PRG4: variants seen among roughly 807,000 people sequenced by gnomAD.
The protein encoded by PRG4 is articular superficial zone protein.
In PRG4, 61 loss-of-function variants were observed where a neutral mutation model predicts 91.2. The ratio of observed to expected loss-of-function variants is 0.67; its 90% CI spans 0.54 to 0.83. The LOEUF is 0.83. PRG4 is among the 40% of genes least tolerant of loss of function. The pLI, the probability that PRG4 is intolerant of heterozygous loss-of-function variation, is 0.00. For missense variants in PRG4, 1,564 were observed against 1,714.2 expected (o/e 0.91, Z 1.55); for synonymous variants, 576 against 614.2 (o/e 0.94, Z 0.92).
rs769372758 is a variant in PRG4 at position 186,301,610 on chromosome 1, G to A, written c.218G>A (p.Arg73His). 1.5e-5 allele frequency: 25 copies of A among 1,613,846 alleles called. No homozygotes were observed. Among genetic ancestry groups the A allele is most frequent in the South Asian group, 2.2e-5 (2 of 91,070 alleles). ...TGGGTAGAGCTTTCCTGTAAAGGCC[G>A]CTGCTTTGAGTCCTTCGAGAGAGGG... ...VCTAELSCKG[R>H]CFESFERGRE... Residue 73 changes from arginine (R) to histidine (H), a missense_variant, in exon 4 of 13, where the codon CGC (arginine) becomes CAC (histidine). By Grantham distance (29) the Arg-to-His change is conservative (BLOSUM62 0). Transcript: ENST00000445192.
Position 186,306,744 on chromosome 1 carries a change from C to T in PRG4, c.1025C>T (p.Pro342Leu), listed in dbSNP as rs750559562. 4.7e-5 allele frequency: 76 copies of T among 1,613,658 alleles called. No homozygotes were observed. In the Admixed American group the frequency reaches 1.2e-3, roughly 25 times the overall value. The part of the protein sequence containing the change: ...TPKAETTTKG[P>L]ALTTPKEPTP... ...AAAGCTGAAACTACAACCAAAGGCC[C>T]TGCTCTCACCACTCCCAAGGAGCCC... The change falls in exon 7 of 13, where the codon CCT (proline) becomes CTT (leucine). Residue 342 changes from proline (P) to leucine (L), a missense_variant. By Grantham distance (98) the Pro-to-Leu change is moderately conservative. Around this residue, in one of 3 missense-constraint regions of PRG4, gnomAD observed 437 missense variants for 459.0 expected, o/e 0.95. Transcript: ENST00000445192.
chr1:186,308,062 T>C lies in PRG4; in HGVS notation c.2343T>C (p.Thr781=), dbSNP rs773570191. The part of the protein sequence containing the change: ...KEPAPTTPKG[T]APTTLKEPAP... ...CTGCTCCAACTACCCCTAAGGGGAC[T>C]GCTCCAACTACCCTCAAGGAACCTG... The change falls in exon 7 of 13, where the codon ACT becomes ACC. Residue 781 remains threonine (T), a synonymous_variant. Coordinates refer to ENST00000445192, the MANE Select transcript of PRG4 (RefSeq NM_005807.6). 1.2e-6 allele frequency: 2 copies of C among 1,609,710 alleles called. No individual in the cohort carries two copies. The highest frequency in any genetic ancestry group is 1.7e-6 in the Non-Finnish European group (2 of 1,179,066).
chr1:186,310,669 AT>A (rs56847815), intron 8 of PRG4, among the ~76,000 whole-genome samples: 147 of 131,374 alleles, frequency 1.1e-3, no homozygotes, highest in Middle Eastern at 3.9e-3. Context: ...TTTTTTTTGT[AT>A]TTTTTTTTTT....
chr1:186,298,731 C>T (rs944364308), intron 2 of PRG4, among the ~76,000 whole-genome samples: 1 of 152,104 alleles, frequency 6.6e-6, no homozygotes, highest in African/African-American at 2.4e-5. Flanking sequence ...AGGTGATCCG[C>T]CCGCCTCAGC....
chr1:186,313,688 C>T lies in PRG4; in HGVS notation c.4125C>T (p.Tyr1375=), dbSNP rs1657450091. The T allele has an allele frequency of 5.0e-6, 8 of 1,587,512 alleles. No individual in the cohort carries two copies. In the South Asian group the frequency reaches 7.7e-5, roughly 15 times the overall value. ...YDYYAFSKDQ[Y]YNIDVPSRTA... Reference sequence around the variant, plus strand: ...GTTTTCTCTTCCATTTAGATCAATACTATAACATTGATGTGCCTAGTAGAA... The same window carrying T: ...GTTTTCTCTTCCATTTAGATCAATATTATAACATTGATGTGCCTAGTAGAA... Residue 1375 remains tyrosine (Y), a synonymous_variant, in exon 13 of 13, where the codon TAC becomes TAT. Coordinates refer to ENST00000445192, the MANE Select transcript of PRG4 (RefSeq NM_005807.6).
At chr1:186,305,123 A>G (rs529507856) in intron 6 of PRG4, among the ~76,000 whole-genome samples, 1 of 152,330 alleles carries the variant, frequency 6.6e-6, no homozygotes, top group African/African-American at 2.4e-5. Context: ...CTCTAAAAGC[A>G]AAGGATAAGA....
At position 186,300,203 on chromosome 1, in the gene PRG4, C is replaced by T; in HGVS notation, c.189C>T (p.Val63=). 1 of 1,614,106 alleles carries T rather than the reference C, an allele frequency of 6.2e-7. No individual in the cohort carries two copies. The highest frequency in any genetic ancestry group is 8.5e-7 in the Non-Finnish European group (1 of 1,180,040). ...AGTGCTGCCCTGATTTCAAGAGAGT[C>T]TGCACTGCGGGTAAGTCCTGAGAGC... ...YMECCPDFKR[V]CTAELSCKGR... Residue 63 remains valine (V), a synonymous_variant, in exon 3 of 13, where the codon GTC becomes GTT. Transcript: ENST00000445192.
chr1:186,297,578 T>C (rs1161456088), intron 2 of PRG4, among the ~76,000 whole-genome samples: 1 of 152,196 alleles, frequency 6.6e-6, no homozygotes, highest in Non-Finnish European at 1.5e-5. Context: ...TTGTTACTCA[T>C]TTTTAGAGAC....
intron 1 of PRG4, 128 bp downstream of exon 1, chr1:186,296,421 G>A (rs1385191731): frequency 6.2e-6 from 1 of 160,832 alleles, no homozygotes; most frequent in East Asian, 1.8e-4. Context: ...TACACCTGTT[G>A]GAAGCCTTTG....
At position 186,312,183 on chromosome 1, in the gene PRG4, A is replaced by G; in HGVS notation, c.3802A>G (p.Ile1268Val). 1 of 1,613,804 alleles carries G rather than the reference A, an allele frequency of 6.2e-7. No individual in the cohort carries two copies. Among genetic ancestry groups the G allele is most frequent in the Non-Finnish European group, 8.5e-7 (1 of 1,179,720 alleles). The change falls in exon 11 of 13, where the codon ATT becomes GTT. Residue 1268 changes from isoleucine (I) to valine (V), a missense_variant. Ile to Val is a conservative substitution (Grantham distance 29). Transcript: ENST00000445192. ...SVYFFKRGGS[I>V]QQYIYKQEPV... is the part of the protein sequence containing the mutation. The stretch of plus-strand genomic sequence containing the variant: ...ATTCTAATACATAACAGGTGGCAGC[A>G]TTCAGCAGTATATTTATAAACAGGA...
In PRG4 at chr1:186,307,752, A is replaced by G. The variant is rs1277746824; in HGVS notation, c.2033A>G (p.Lys678Arg). 1 of 1,610,528 alleles carries G rather than the reference A, an allele frequency of 6.2e-7. No individual in the cohort carries two copies. Among genetic ancestry groups the G allele is most frequent in the East Asian group, 2.2e-5 (1 of 44,748 alleles). ...TPKAAAPNTP[K>R]EPAPTTPKEP... ...AAGGCAGCGGCTCCCAACACCCCTAAGGAGCCTGCTCCAACTACCCCTAAG... is the reference window on the plus strand; with the variant it reads ...AAGGCAGCGGCTCCCAACACCCCTAGGGAGCCTGCTCCAACTACCCCTAAG... The change falls in exon 7 of 13, where the codon AAG (lysine) becomes AGG (arginine). Residue 678 changes from lysine to arginine, a missense_variant. Physicochemically the swap from Lys to Arg is conservative, Grantham distance 26. This residue lies in a region of PRG4 where 1,079 missense variants were observed against 1,162.2 expected (regional missense o/e 0.93). Coordinates refer to ENST00000445192, the MANE Select transcript of PRG4 (RefSeq NM_005807.6).
chr1:186,296,561 A>G (rs1404410787), intron 1 of PRG4, among the ~76,000 whole-genome samples: 1 of 152,252 alleles, frequency 6.6e-6, no homozygotes, highest in Non-Finnish European at 1.5e-5. Flanking sequence ...AGTACATGCC[A>G]TACTTTGGCT....
Position 186,312,835 on chromosome 1 carries a change from C to A in PRG4, c.4058C>A (p.Ala1353Asp). 1 of 1,611,716 alleles carries A rather than the reference C, an allele frequency of 6.2e-7. No individual in the cohort carries two copies. Among genetic ancestry groups the A allele is most frequent in the Non-Finnish European group, 8.5e-7 (1 of 1,177,812 alleles). ...WRGLPNVVTS[A>D]ISLPNIRKPD... ...GGACTTCCAAATGTGGTTACCTCAG[C>A]TATATCACTGCCCAACATCAGAAAA... is the stretch of plus-strand genomic sequence containing the variant. The change falls in exon 12 of 13, where the codon GCT becomes GAT. Residue 1353 changes from alanine to aspartate, a missense_variant. By Grantham distance (126) the Ala-to-Asp change is moderately radical. Around this residue, in one of 3 missense-constraint regions of PRG4, gnomAD observed 1,079 missense variants for 1,162.2 expected, o/e 0.93. Transcript: ENST00000445192.
At chr1:186,312,653 T>A (rs2102040171) in intron 11 of PRG4, 116 bp from the exon 12 acceptor site, 1 of 1,136,994 alleles carries the variant, frequency 8.8e-7, no homozygotes, top group Non-Finnish European at 1.3e-6. Flanking sequence ...TCTATAACCC[T>A]CAATAGTTCT....
At position 186,309,998 on chromosome 1, in the gene PRG4, C is replaced by G. The variant is rs889337980; in HGVS notation, c.3499+128C>G. 6.6e-6 allele frequency: 5 copies of G among 758,722 alleles called. No homozygotes were observed. In the South Asian group the frequency reaches 7.1e-5, roughly 11 times the overall value. The allele number at this position is 758,722 out of a possible 1,614,324, so 47.0% of individuals were successfully genotyped here. A position where few individuals can be genotyped will look rare whatever the true frequency, so the allele number is the denominator to read the frequency against. ...GAATCTGATTGATAAGCACACCTCA[C>G]AGGAGAATCCGAGAGTAATAACAGA... On this transcript the variant is annotated intron_variant, in intron 8 of 12. Transcript: ENST00000445192.
chr1:186,309,155 TTA>T lies in PRG4; in HGVS notation c.3421+17_3421+18del. The T allele has an allele frequency of 6.2e-7, 1 of 1,602,030 alleles. No individual in the cohort carries two copies. The highest frequency in any genetic ancestry group is 8.5e-7 in the Non-Finnish European group (1 of 1,172,082). ...CATGCTTTCCGGTATTAAGAATCAG[TTA>T]TTTTCATTTTTAAAGCTGGTAATGT... On this transcript the variant is annotated intron_variant, in intron 7 of 12. Transcript: ENST00000445192.
At position 186,313,860 on chromosome 1, in the gene PRG4, T is replaced by A; in HGVS notation, c.*82T>A. ...TGAAAAACATTTTATTAATAAAGAA[T>A]ATTGACATGAGTATACCAGTTTATA... On this transcript the variant is annotated 3_prime_UTR_variant, in exon 13 of 13. Transcript: ENST00000445192. 4 of 1,469,996 alleles carry A rather than the reference T, an allele frequency of 2.7e-6. No individual in the cohort carries two copies. Among genetic ancestry groups the A allele is most frequent in the Non-Finnish European group, 1.9e-6 (2 of 1,050,170 alleles). 91.1% of individuals were successfully genotyped at this position (1,469,996 alleles called of 1,614,324 possible). A position where few individuals can be genotyped will look rare whatever the true frequency, so the allele number is the denominator to read the frequency against.
intron 3 of PRG4, 104 bp downstream of exon 3, chr1:186,300,317 A>C: frequency 6.8e-7 from 1 of 1,474,818 alleles, no homozygotes; most frequent in South Asian, 1.1e-5. Context: ...CTCCCCTTGC[A>C]CCCACTTGCA....
intron 9 of PRG4, 66 bp from the exon 10 acceptor site, chr1:186,311,374 C>A: frequency 1.3e-6 from 2 of 1,532,098 alleles, no homozygotes; most frequent in Admixed American, 1.7e-5. Flanking sequence ...ATACTTAAAT[C>A]TAGAAAGGAG....
Sources: allele counts gnomAD v4.1 joint callset (sites outside exome capture counted in the v4.1 genomes callset), GRCh38; gene constraint gnomAD v4.1.1; regional missense constraint gnomAD v4.1.1; transcripts MANE v1.5; gene names NCBI Gene and HGNC (gene_info 2026-07-23, HGNC 2026-07-21).